CCDC148: variants seen among roughly 807,000 people sequenced by gnomAD.
The protein encoded by CCDC148 is coiled-coil domain containing 148.
A neutral mutation model predicts 85.7 loss-of-function variants in CCDC148; 89 were observed. That is an observed-to-expected ratio of 1.04 (90% CI 0.87 to 1.24). The LOEUF is 1.24. Among genes scored for constraint, CCDC148 ranks in the 50% most tolerant of loss-of-function variants. The probability of loss-of-function intolerance (pLI) is 0.00; values close to 1 mark genes in which losing one functional copy is unlikely to be tolerated. For synonymous variants in CCDC148, 230 were observed against 213.9 expected (o/e 1.08, Z -0.66); for missense variants, 692 against 671.7 (o/e 1.03, Z -0.33).
At chr2:158,345,367 T>C in intron 2 of CCDC148, 49 bp from the exon 3 acceptor site, 4 of 1,300,536 alleles carry the variant, frequency 3.1e-6, no homozygotes, top group South Asian at 1.3e-5. Context: ...TTTCAGAATG[T>C]GTTTTTCACA....
intron 1 of CCDC148, among the ~76,000 whole-genome samples, chr2:158,436,408 A>G (rs888770022): frequency 6.6e-6 from 1 of 152,230 alleles, no homozygotes; most frequent in Non-Finnish European, 1.5e-5. Context: ...GGCAGAAATA[A>G]AGATGTTCTT....
intron 11 of CCDC148, among the ~76,000 whole-genome samples, chr2:158,194,284 A>C (rs1053058069): frequency 6.6e-6 from 1 of 152,172 alleles, no homozygotes; most frequent in Non-Finnish European, 1.5e-5. Flanking sequence ...AAGACAAGAC[A>C]AAACCAAGTA....
intron 9 of CCDC148, among the ~76,000 whole-genome samples, chr2:158,296,741 C>T (rs983383874): frequency 1.3e-5 from 2 of 152,166 alleles, no homozygotes; most frequent in Non-Finnish European, 2.9e-5. Context: ...CAGACAGATA[C>T]ACTTTAAAAA....
At chr2:158,303,543 A>G (rs1313359704) in intron 9 of CCDC148, among the ~76,000 whole-genome samples, 1 of 152,110 alleles carries the variant, frequency 6.6e-6, no homozygotes. Flanking sequence ...GAATTTATAG[A>G]TTTACTTATT....
intron 9 of CCDC148, among the ~76,000 whole-genome samples, chr2:158,272,166 G>C (rs1227274550): frequency 6.6e-6 from 1 of 152,114 alleles, no homozygotes; most frequent in African/African-American, 2.4e-5. Context: ...ATTCCAAGAG[G>C]TTTCATAAGA....
intron 1 of CCDC148, among the ~76,000 whole-genome samples, chr2:158,404,673 G>T (rs1166209300): frequency 6.6e-6 from 1 of 152,076 alleles, no homozygotes; most frequent in African/African-American, 2.4e-5. Flanking sequence ...TTTTATGCTA[G>T]AAATTAAATT....
chr2:158,178,430 C>T (rs1684702267), intron 12 of CCDC148, among the ~76,000 whole-genome samples: 1 of 152,136 alleles, frequency 6.6e-6, no homozygotes, highest in South Asian at 2.1e-4. Flanking sequence ...TATTTCTCCA[C>T]AAAATAGGTA....
At chr2:158,285,671 C>T (rs1470690957) in intron 9 of CCDC148, among the ~76,000 whole-genome samples, 3 of 151,670 alleles carry the variant, frequency 2.0e-5, no homozygotes, top group African/African-American at 4.8e-5. Context: ...GCTGGGACTA[C>T]AGGCGCCCAC....
At chr2:158,247,631 C>A (rs1189018907) in intron 10 of CCDC148, among the ~76,000 whole-genome samples, 1 of 152,070 alleles carries the variant, frequency 6.6e-6, no homozygotes, top group African/African-American at 2.4e-5. Flanking sequence ...CTGAGGCGGG[C>A]GGATCATCTG....
At chr2:158,283,060 A>G (rs1410759747) in intron 9 of CCDC148, among the ~76,000 whole-genome samples, 2 of 152,214 alleles carry the variant, frequency 1.3e-5, no homozygotes, top group African/African-American at 4.8e-5. Flanking sequence ...TGGTGCTGGG[A>G]AAACTGGCTA....
At chr2:158,217,336 G>GTATATATA (rs141810507) in intron 11 of CCDC148, among the ~76,000 whole-genome samples, 3 of 137,710 alleles carry the variant, frequency 2.2e-5, no homozygotes, top group Non-Finnish European at 4.6e-5. Context: ...ATAATTTTGT[G>GTATATATA]TATATATATA....
chr2:158,311,363 C>T (rs939581737), intron 8 of CCDC148, among the ~76,000 whole-genome samples: 1 of 152,214 alleles, frequency 6.6e-6, no homozygotes, highest in South Asian at 2.1e-4. Context: ...CCCATGCACT[C>T]GGCAGGCTGA....
chr2:158,445,938 T>G (rs566018844), intron 1 of CCDC148, among the ~76,000 whole-genome samples: 2 of 152,314 alleles, frequency 1.3e-5, no homozygotes, highest in South Asian at 2.1e-4. Flanking sequence ...ATTCAAACTC[T>G]AAGGACAGTT....
intron 1 of CCDC148, among the ~76,000 whole-genome samples, chr2:158,363,023 A>G (rs900184991): frequency 6.6e-6 from 1 of 152,256 alleles, no homozygotes; most frequent in Non-Finnish European, 1.5e-5. Context: ...CTACCATCAC[A>G]GAATACTATA....
chr2:158,290,116 T>G (rs73968907), intron 9 of CCDC148, among the ~76,000 whole-genome samples: 7,343 of 152,022 alleles, frequency 0.048, 274 homozygotes, highest in East Asian at 0.14. Flanking sequence ...GGGAGACATG[T>G]GAGATGCAGA....
At chr2:158,283,199 CA>C (rs777202673) in intron 9 of CCDC148, among the ~76,000 whole-genome samples, 1 of 152,180 alleles carries the variant, frequency 6.6e-6, no homozygotes, top group African/African-American at 2.4e-5. Flanking sequence ...TAGGCATTAC[CA>C]TTCAGGACAC....
chr2:158,296,919 T>C (rs1422235815), intron 9 of CCDC148, among the ~76,000 whole-genome samples: 1 of 152,152 alleles, frequency 6.6e-6, no homozygotes, highest in African/African-American at 2.4e-5. Flanking sequence ...TGACCAAAAA[T>C]CACTCTGGCA....
intron 11 of CCDC148, among the ~76,000 whole-genome samples, chr2:158,180,197 A>G (rs924091683): frequency 2.0e-5 from 3 of 152,140 alleles, no homozygotes; most frequent in Non-Finnish European, 4.4e-5. Flanking sequence ...TCCAAGGTGG[A>G]GACACCTTCA....
rs1052870166 is a variant in CCDC148 at position 158,279,777 on chromosome 2, G to A, written c.1111-28865C>T. ...TTCAGATTCAGGAAATACAGAGAAC[G>A]CCACAAAGATACTCCTCGAGAAGAC... is the stretch of plus-strand genomic sequence containing the variant. On this transcript the variant is annotated intron_variant, in intron 9 of 13. Coordinates refer to ENST00000283233, the MANE Select transcript of CCDC148 (RefSeq NM_138803.4). Among the ~76,000 whole-genome samples the A allele has an allele frequency of 1.3e-3, 200 of 151,794 alleles. 1 individual carries two copies. Among genetic ancestry groups the A allele is most frequent in the African/African-American group, 4.6e-3 (190 of 41,440 alleles).
Sources: allele counts gnomAD v4.1 joint callset (sites outside exome capture counted in the v4.1 genomes callset), GRCh38; gene constraint gnomAD v4.1.1; transcripts MANE v1.5; gene names NCBI Gene and HGNC (gene_info 2026-07-23, HGNC 2026-07-21).